The following PARG variants were observed in gnomAD, a reference collection of about 807,000 sequenced individuals.
The protein encoded by PARG is poly(ADP-ribose) glycohydrolase, also known as mitochondrial poly(ADP-ribose) glycohydrolase.
A neutral mutation model predicts 113.0 loss-of-function variants in PARG; 35 were observed. The observed-to-expected ratio is 0.31, with a 90% CI of 0.24 to 0.41. The LOEUF is 0.41. PARG is among the 10% of genes least tolerant of loss of function. The probability of loss-of-function intolerance (pLI) is 1.00; values close to 1 mark genes in which losing one functional copy is unlikely to be tolerated. For missense variants in PARG, 797 were observed against 1,169.4 expected, an observed-to-expected ratio of 0.68 and a Z score of 4.64; for synonymous variants, 330 against 409.9, an observed-to-expected ratio of 0.81 and a Z score of 2.36.
At chr10:49,869,336 T>C (rs1422412143) in intron 10 of PARG, 140 bp downstream of exon 10, 5 of 671,524 alleles carry the variant, frequency 7.4e-6, no homozygotes, top group Non-Finnish European at 1.4e-5. Flanking sequence ...AACTAGGTTA[T>C]ATTGTCGCAT....
Position 49,932,301 on chromosome 10 carries a change from G to A in PARG, c.1272-18C>T. ...GTTCTTTTCTAAGGTCAAGACAAAT[G>A]TATTTAGTCACAAATTATTTACTGT... is the stretch of plus-strand genomic sequence containing the variant. On this transcript the variant is annotated intron_variant, in intron 3 of 17. Coordinates refer to ENST00000616448, the MANE Select transcript of PARG (RefSeq NM_003631.5). The A allele has an allele frequency of 2.8e-6, 4 of 1,417,536 alleles. No individual in the cohort carries two copies. The highest frequency in any genetic ancestry group is 4.0e-6 in the Non-Finnish European group (4 of 1,000,530). The allele number at this position is 1,417,536 out of a possible 1,614,324, so 87.8% of individuals were successfully genotyped here.
chr10:49,918,668 A>G (rs1219852375), intron 6 of PARG, among the ~76,000 whole-genome samples: 1 of 152,240 alleles, frequency 6.6e-6, no homozygotes, highest in Admixed American at 6.5e-5. Flanking sequence ...ATCAAATGGT[A>G]TATGAACAGC....
At chr10:49,820,338 C>T in intron 16 of PARG, 45 bp from the exon 17 acceptor site, 2 of 1,444,676 alleles carry the variant, frequency 1.4e-6, no homozygotes, top group Non-Finnish European at 9.4e-7. Context: ...ACATTTTCCA[C>T]CTAGATACCT....
At chr10:49,839,697 T>C (rs1296198172) in intron 15 of PARG, among the ~76,000 whole-genome samples, 6 of 152,234 alleles carry the variant, frequency 3.9e-5, no homozygotes, top group Admixed American at 2.0e-4. Context: ...CAAAGTTACC[T>C]TCTTAAAAGA....
chr10:49,826,021 G>A (rs1002848026), intron 16 of PARG, among the ~76,000 whole-genome samples: 5 of 152,092 alleles, frequency 3.3e-5, no homozygotes, highest in African/African-American at 4.8e-5. Context: ...AAATTGAAAT[G>A]CTCCAAAGAG....
chr10:49,828,436 A>G (rs1308402494), intron 16 of PARG, among the ~76,000 whole-genome samples: 1 of 152,190 alleles, frequency 6.6e-6, no homozygotes, highest in Non-Finnish European at 1.5e-5. Flanking sequence ...GAAAGCTTTC[A>G]CATGAGTTCC....
intron 6 of PARG, among the ~76,000 whole-genome samples, chr10:49,920,609 T>C (rs1250402179): frequency 6.9e-6 from 1 of 145,210 alleles, no homozygotes; most frequent in Non-Finnish European, 1.5e-5. Context: ...TATACGTACA[T>C]ATATACGTAT....
At position 49,941,799 on chromosome 10, in the gene PARG, G is replaced by A. The variant is rs1839099138; in HGVS notation, c.-74C>T. ...TCATTCACTAACCCTGAGAGAGATG[G>A]ACTGCGCCTCCTTCTCAGCGCCTGC... On this transcript the variant is annotated 5_prime_UTR_variant, in exon 1 of 18. Coordinates refer to ENST00000616448, the MANE Select transcript of PARG (RefSeq NM_003631.5). The A allele has an allele frequency of 3.9e-6, 6 of 1,536,176 alleles. No individual in the cohort carries two copies. The highest frequency in any genetic ancestry group is 5.2e-6 in the Non-Finnish European group (6 of 1,145,916).
At chr10:49,862,237 C>G (rs1280941308) in intron 11 of PARG, among the ~76,000 whole-genome samples, 1 of 151,882 alleles carries the variant, frequency 6.6e-6, no homozygotes, top group Non-Finnish European at 1.5e-5. Flanking sequence ...TCAACCATGG[C>G]CACTGAGGTA....
At chr10:49,839,019 A>C (rs1288188753) in intron 15 of PARG, among the ~76,000 whole-genome samples, 1 of 152,176 alleles carries the variant, frequency 6.6e-6, no homozygotes, top group Non-Finnish European at 1.5e-5. Context: ...TATTTACCTC[A>C]AAAACCTAAA....
chr10:49,870,610 A>G (rs1554837733), intron 9 of PARG, among the ~76,000 whole-genome samples: 1 of 151,978 alleles, frequency 6.6e-6, no homozygotes, highest in African/African-American at 2.4e-5. Context: ...CAGGGCTTTA[A>G]AAGCATTATG....
In PARG at chr10:49,932,208, T is replaced by C. The variant is rs1838525294; in HGVS notation, c.1347A>G (p.Pro449=). 1 of 1,600,198 alleles carries C rather than the reference T, an allele frequency of 6.2e-7. No homozygotes were observed. Among genetic ancestry groups the C allele is most frequent in the Non-Finnish European group, 8.6e-7 (1 of 1,167,210 alleles). ...TGGGAGTTCCAAGCCACTTCTTATC[T>C]GGAGAAAGGTGAGGTGGAACGTATT... is the stretch of plus-strand genomic sequence containing the variant. ...IPKYVPPHLS[P]DKKWLGTPIE... is the part of the protein sequence containing the mutation. The change falls in exon 4 of 18, where the codon CCA becomes CCG. Residue 449 remains proline, a synonymous_variant. Transcript: ENST00000616448.
At chr10:49,891,712 C>G (rs1161782786) in intron 7 of PARG, among the ~76,000 whole-genome samples, 2 of 147,200 alleles carry the variant, frequency 1.4e-5, no homozygotes, top group South Asian at 2.2e-4. Context: ...TCACTGCAAC[C>G]TCCACCTCCC....
At chr10:49,932,040 A>G (rs1318059627) in intron 4 of PARG, 60 bp downstream of exon 4, 1 of 942,724 alleles carries the variant, frequency 1.1e-6, no homozygotes, top group East Asian at 2.5e-5. Context: ...CACTTAATAA[A>G]TATCACAATA....
At chr10:49,853,715 C>T (rs1845861353) in intron 13 of PARG, among the ~76,000 whole-genome samples, 2 of 152,164 alleles carry the variant, frequency 1.3e-5, no homozygotes, top group East Asian at 3.9e-4. Flanking sequence ...GAGGCTCTGT[C>T]CAGGAAAAAA....
intron 2 of PARG, among the ~76,000 whole-genome samples, chr10:49,934,781 A>G (rs1368464640): frequency 1.8e-4 from 27 of 151,890 alleles, no homozygotes; most frequent in African/African-American, 6.5e-4. Context: ...CCCAGGAGGC[A>G]GAGCTTGCAG....
intron 15 of PARG, among the ~76,000 whole-genome samples, chr10:49,836,307 CTTTTTT>C (rs1168567519): frequency 4.2e-4 from 20 of 48,004 alleles, no homozygotes; most frequent in South Asian, 1.3e-3. Context: ...TTTCTTACGA[CTTTTTT>C]TTTTTTTTTT....
chr10:49,904,645 T>C (rs1159940599), intron 7 of PARG, among the ~76,000 whole-genome samples: 9 of 151,782 alleles, frequency 5.9e-5, no homozygotes, highest in Admixed American at 1.3e-4. Flanking sequence ...TCAGGCACGA[T>C]AGCTCATGCC....
chr10:49,900,678 T>G (rs1313500088), intron 7 of PARG, among the ~76,000 whole-genome samples: 29 of 152,326 alleles, frequency 1.9e-4, no homozygotes, highest in African/African-American at 6.3e-4. Context: ...TCCAAAGAAT[T>G]TACTTCTCAG....
Sources: gnomAD v4.1 joint callset for allele counts (sites outside exome capture counted in the v4.1 genomes callset) on GRCh38, gnomAD v4.1.1 for gene constraint, MANE v1.5 for transcripts, NCBI Gene and HGNC (gene_info 2026-07-23, HGNC 2026-07-21) for gene names.